TBR1: variants seen among roughly 807,000 people sequenced by gnomAD.
The protein encoded by TBR1 is T-box brain transcription factor 1.
A neutral mutation model predicts 60.3 loss-of-function variants in TBR1; 7 were observed. The observed-to-expected ratio is 0.12, with a 90% CI of 0.07 to 0.22. TBR1 has a LOEUF of 0.22. Ranked by LOEUF, TBR1 falls within the 10% of genes least tolerant of loss-of-function variation. The pLI is 1.00. For synonymous variants in TBR1, 417 were observed against 409.9 expected (o/e 1.02, Z -0.21); for missense variants, 616 against 936.8 (o/e 0.66, Z 4.47).
At chr2:161,418,534 C>T (rs1163375842) in intron 3 of TBR1, 2 of 652,510 alleles carry the variant, frequency 3.1e-6, no homozygotes, top group South Asian at 2.2e-5. Context: ...TTTTGGAGTG[C>T]CCGACCTTCC....
Position 161,425,553 on chromosome 2 carries a change from AT to A in TBR1, c.*1328del, listed in dbSNP as rs1379732060. ...GGAGCATTAATCCCCCTGGAAATAGATTAGTAGGATTTCTAATGTTGTGTAG... is the reference window on the plus strand; with the variant it reads ...GGAGCATTAATCCCCCTGGAAATAGATAGTAGGATTTCTAATGTTGTGTAG... On this transcript the variant is annotated 3_prime_UTR_variant, in exon 6 of 6. Transcript: ENST00000389554. 4 of 152,182 alleles carry A rather than the reference AT, an allele frequency of 2.6e-5. No individual in the cohort carries two copies. The allele number at this position is 152,182 out of a possible 1,614,324, so 9.4% of individuals were successfully genotyped here.
intron 3 of TBR1, 98 bp downstream of exon 3, chr2:161,418,420 G>C: frequency 6.9e-7 from 1 of 1,446,882 alleles, no homozygotes; most frequent in Non-Finnish European, 9.3e-7. Context: ...CTGGATACAC[G>C]TTTCTTTGCT....
intron 4 of TBR1, chr2:161,419,296 C>A: frequency 2.1e-6 from 1 of 486,694 alleles, no homozygotes; most frequent in Non-Finnish European, 3.6e-6. Flanking sequence ...TTTGAGGTGG[C>A]CAGGATTTCT....
At position 161,424,047 on chromosome 2, in the gene TBR1, C is replaced by T. The variant is rs748049051; in HGVS notation, c.1869C>T (p.Ser623=). ...SWIETPSSIK[S]IDSSDSGIYE... ...TCGAGACGCCCTCCTCGATCAAGTC[C>T]ATCGACTCCAGCGACTCGGGGATTT... is the stretch of plus-strand genomic sequence containing the variant. The change falls in exon 6 of 6, where the codon TCC becomes TCT. Residue 623 remains serine (S), a synonymous_variant. Coordinates refer to ENST00000389554, the MANE Select transcript of TBR1 (RefSeq NM_006593.4). The surrounding 1 kb of genome is among the most constrained non-coding windows in gnomAD (Gnocchi z 4.4). The T allele has an allele frequency of 1.6e-5, 25 of 1,606,968 alleles. No individual in the cohort carries two copies. In the South Asian group the frequency reaches 2.7e-4, roughly 17 times the overall value.
intron 3 of TBR1, 42 bp from the exon 4 acceptor site, chr2:161,418,850 T>G (rs373980924): frequency 6.3e-7 from 1 of 1,594,164 alleles, no homozygotes; most frequent in Non-Finnish European, 8.6e-7. Flanking sequence ...AGCGACCGCG[T>G]TAACACGCCA....
intron 5 of TBR1, chr2:161,422,831 G>T (rs959550411): frequency 6.6e-6 from 1 of 152,214 alleles, no homozygotes; most frequent in Non-Finnish European, 1.5e-5. Flanking sequence ...TTTCCTAGGG[G>T]TTTCTGAAAC....
chr2:161,420,418 C>CTTTTTTTTTTTTTTTTTTTT (rs67826360), intron 5 of TBR1, 161 bp downstream of exon 5: 2 of 93,958 alleles, frequency 2.1e-5, no homozygotes, highest in African/African-American at 8.8e-5. Context: ...TCTTCCTCTT[C>CTTTTTTTTTTTTTTTTTTTT]TTTTTTTTTT....
At position 161,423,851 on chromosome 2, in the gene TBR1, C is replaced by T. The variant is rs1456339394; in HGVS notation, c.1673C>T (p.Ser558Leu). The T allele has an allele frequency of 1.4e-6, 2 of 1,463,606 alleles. No homozygotes were observed. Among genetic ancestry groups the T allele is most frequent in the Non-Finnish European group, 1.8e-6 (2 of 1,109,656 alleles). 90.7% of individuals were successfully genotyped at this position (1,463,606 alleles called of 1,614,324 possible). ...RSPPQYCGTK[S>L]GSVLPCWPNS... is the part of the protein sequence containing the mutation. The stretch of plus-strand genomic sequence containing the variant: ...CCCCCGCAGTACTGCGGCACCAAGT[C>T]GGGCTCGGTGCTGCCCTGCTGGCCC... The change falls in exon 6 of 6, where the codon TCG becomes TTG. Residue 558 changes from serine (S) to leucine (L), a missense_variant. This residue lies in a region of TBR1 where 210 missense variants were observed against 297.4 expected (regional missense o/e 0.71). Transcript: ENST00000389554.
In TBR1 at chr2:161,424,950, TACTC is replaced by T. The variant is rs1412643529; in HGVS notation, c.*725_*728del. 2.0e-5 allele frequency: 3 copies of T among 152,688 alleles called. No individual in the cohort carries two copies. Among genetic ancestry groups the T allele is most frequent in the Admixed American group, 6.5e-5 (1 of 15,292 alleles). The allele number at this position is 152,688 out of a possible 1,614,324, so 9.5% of individuals were successfully genotyped here. On this transcript the variant is annotated 3_prime_UTR_variant, in exon 6 of 6. Transcript: ENST00000389554. This position sits in a 1 kb window ranked among gnomAD's most constrained non-coding sequence, Gnocchi z 4.4. Reference sequence around the variant, plus strand: ...TCTAAGAGGCTCTAGAAACATGAAATACTCAGTAGTGATGGGTTTCCCACTTCTC... The same window carrying T: ...TCTAAGAGGCTCTAGAAACATGAAATAGTAGTGATGGGTTTCCCACTTCTC...
chr2:161,416,408 G>T lies in TBR1; in HGVS notation c.-3G>T. The T allele has an allele frequency of 6.3e-7, 1 of 1,582,290 alleles. No homozygotes were observed. Among genetic ancestry groups the T allele is most frequent in the Non-Finnish European group, 8.6e-7 (1 of 1,165,156 alleles). ...GGAGGGCGAGTGTTCAGGTTCTAGA[G>T]CTATGCAGCTGGAGCACTGCCTTTC... is the stretch of plus-strand genomic sequence containing the variant. On this transcript the variant is annotated 5_prime_UTR_variant, in exon 1 of 6. Coordinates refer to ENST00000389554, the MANE Select transcript of TBR1 (RefSeq NM_006593.4). This position sits in a 1 kb window ranked among gnomAD's most constrained non-coding sequence, Gnocchi z 6.1.
At chr2:161,422,303 T>G (rs1684245368) in intron 5 of TBR1, 1 of 152,254 alleles carries the variant, frequency 6.6e-6, no homozygotes, top group Admixed American at 6.5e-5. Flanking sequence ...CTCTCAATTC[T>G]AATGGGATTT....
At position 161,425,856 on chromosome 2, in the gene TBR1, T is replaced by C. The variant is rs1322587987; in HGVS notation, c.*1629T>C. 6.6e-6 allele frequency: 1 copy of C among 152,226 alleles called. No individual in the cohort carries two copies. The highest frequency in any genetic ancestry group is 1.5e-5 in the Non-Finnish European group (1 of 68,044). The allele number at this position is 152,226 out of a possible 1,614,324, so 9.4% of individuals were successfully genotyped here. A position where few individuals can be genotyped will look rare whatever the true frequency, so the allele number is the denominator to read the frequency against. On this transcript the variant is annotated 3_prime_UTR_variant, in exon 6 of 6. Coordinates refer to ENST00000389554, the MANE Select transcript of TBR1 (RefSeq NM_006593.4). The stretch of plus-strand genomic sequence containing the variant: ...CTGTGTATAACAAGTAAAATAAACC[T>C]GGTAAAAACGCTAACTATGGTGTTT...
In TBR1 at chr2:161,418,757, C is replaced by T; in HGVS notation, c.970-135C>T. ...AGCCAGCCGCCAGCCAGGCGAGTCC[C>T]GCGGTCAGTTAGCCTGGAAGGCGGG... On this transcript the variant is annotated intron_variant, in intron 3 of 5. Coordinates refer to ENST00000389554, the MANE Select transcript of TBR1 (RefSeq NM_006593.4). The T allele has an allele frequency of 7.3e-6, 9 of 1,233,894 alleles. No homozygotes were observed. The South Asian group carries it at 1.4e-4, about 19-fold the overall frequency. 76.4% of individuals were successfully genotyped at this position (1,233,894 alleles called of 1,614,324 possible).
At chr2:161,421,976 T>C (rs1010636827) in intron 5 of TBR1, 4 of 133,138 alleles carry the variant, frequency 3.0e-5, no homozygotes, top group Non-Finnish European at 6.5e-5. Flanking sequence ...AAACCTGAGA[T>C]TTTTAGGGGA....
chr2:161,418,929 G>A lies in TBR1; in HGVS notation c.1007G>A (p.Arg336His), dbSNP rs1684180132. Reference protein sequence around the residue: ...VLQSLHKYQPRLHVVEVNEDG... With the variant: ...VLQSLHKYQPHLHVVEVNEDG... ...CAGTCCTTGCACAAGTACCAGCCCCGCCTGCATGTGGTGGAAGTGAACGAG... is the reference window on the plus strand; with the variant it reads ...CAGTCCTTGCACAAGTACCAGCCCCACCTGCATGTGGTGGAAGTGAACGAG... The change falls in exon 4 of 6, where the codon CGC becomes CAC. Residue 336 changes from arginine to histidine, a missense_variant. Coordinates refer to ENST00000389554, the MANE Select transcript of TBR1 (RefSeq NM_006593.4). The A allele has an allele frequency of 1.2e-6, 2 of 1,614,152 alleles. No individual in the cohort carries two copies. Among genetic ancestry groups the A allele is most frequent in the Non-Finnish European group, 1.7e-6 (2 of 1,180,022 alleles).
intron 5 of TBR1, chr2:161,421,895 T>A (rs1027093174): frequency 1.3e-5 from 2 of 151,680 alleles, no homozygotes; most frequent in African/African-American, 4.9e-5. Context: ...TCCTCTTTGA[T>A]CTTAAATCAC....
At chr2:161,423,325 CGCG>C in intron 5 of TBR1, 41 bp from the exon 6 acceptor site, 1 of 1,304,482 alleles carries the variant, frequency 7.7e-7, no homozygotes. Flanking sequence ...AAGGGACCTC[CGCG>C]CCACCCCTCG....
At chr2:161,420,621 C>G (rs981030052) in intron 5 of TBR1, 1 of 169,466 alleles carries the variant, frequency 5.9e-6, no homozygotes, top group African/African-American at 2.4e-5. Context: ...CTGTATGTGG[C>G]GCTGCAGATG....
chr2:161,417,523 C>T lies in TBR1; in HGVS notation c.693-153C>T. ...TTTGGGTTGCACTTCTTTTCTTCTCCCACCACCCTTTTTCTAATCCAGCAA... is the reference window on the plus strand; with the variant it reads ...TTTGGGTTGCACTTCTTTTCTTCTCTCACCACCCTTTTTCTAATCCAGCAA... On this transcript the variant is annotated intron_variant, in intron 1 of 5. Coordinates refer to ENST00000389554, the MANE Select transcript of TBR1 (RefSeq NM_006593.4). The surrounding 1 kb of genome is among the most constrained non-coding windows in gnomAD (Gnocchi z 5.3). 9.6e-7 allele frequency: 1 copy of T among 1,036,914 alleles called. No homozygotes were observed. The highest frequency in any genetic ancestry group is 1.4e-6 in the Non-Finnish European group (1 of 718,336). 64.2% of individuals were successfully genotyped at this position (1,036,914 alleles called of 1,614,324 possible).
Sources: allele counts gnomAD v4.1 joint callset, GRCh38; gene constraint gnomAD v4.1.1; regional missense constraint gnomAD v4.1.1; non-coding constraint Gnocchi (gnomAD v3.1); transcripts MANE v1.5; gene names NCBI Gene and HGNC (gene_info 2026-07-23, HGNC 2026-07-21).